Variants in ASH2L observed in about 807,000 individuals in gnomAD.
ASH2L encodes the protein ASH2 like, histone lysine methyltransferase complex subunit.
ASH2L carries 30 observed loss-of-function variants against 81.1 expected under a neutral mutation model. The observed-to-expected ratio is 0.37, with a 90% CI of 0.28 to 0.50. The LOEUF (loss-of-function observed/expected upper bound fraction) is 0.50. Among genes scored for constraint, ASH2L ranks in the 20% least tolerant of loss-of-function variants. The pLI is 0.95. For synonymous variants in ASH2L, 273 were observed against 279.9 expected, an observed-to-expected ratio of 0.98 and a Z score of 0.24; for missense variants, 559 against 792.1, an observed-to-expected ratio of 0.71 and a Z score of 3.53.
intron 7 of ASH2L, 89 bp from the exon 8 acceptor site, chr8:38,116,561 C>G: frequency 9.8e-7 from 1 of 1,023,216 alleles, no homozygotes; most frequent in Non-Finnish European, 1.5e-6. Context: ...AATTTTAGTT[C>G]CCATTCTGTT....
chr8:38,106,356 G>C (rs1467337448), intron 1 of ASH2L, 22 bp from the exon 2 acceptor site: 1 of 1,611,290 alleles, frequency 6.2e-7, no homozygotes, highest in Non-Finnish European at 8.5e-7. Flanking sequence ...ATTCTTACTT[G>C]AGCGCTTTCA....
chr8:38,116,499 C>G, intron 7 of ASH2L, 151 bp from the exon 8 acceptor site: 1 of 659,630 alleles, frequency 1.5e-6, no homozygotes, highest in Non-Finnish European at 2.6e-6. Context: ...CGCCACTGTA[C>G]TACAGACTGG....
chr8:38,106,236 G>A (rs1386611759), intron 1 of ASH2L, 142 bp from the exon 2 acceptor site: 6 of 1,368,404 alleles, frequency 4.4e-6, no homozygotes, highest in Non-Finnish European at 5.1e-6. Context: ...ACAGTACCTT[G>A]GGCATCCAGT....
intron 13 of ASH2L, among the ~76,000 whole-genome samples, chr8:38,134,081 G>A (rs546270375): frequency 1.9e-4 from 29 of 152,244 alleles, no homozygotes; most frequent in Non-Finnish European, 3.4e-4. Flanking sequence ...ATGGATTAAG[G>A]GTGGTGCAAG....
rs554664864 is a variant in ASH2L, at chr8:38,117,307, G to A, written c.853+582G>A. The A allele has an allele frequency of 3.0e-5, 9 of 297,670 alleles. No homozygotes were observed. In the East Asian group the frequency reaches 1.2e-3, roughly 40 times the overall value. The allele number at this position is 297,670 out of a possible 1,614,324, so 18.4% of individuals were successfully genotyped here. ...CATTAACCTGTCTTTTGGAGTGGTC[G>A]CGTCTTAAATATCTGATCATTTCTA... On this transcript the variant is annotated intron_variant, in intron 8 of 15. Coordinates refer to ENST00000343823, the MANE Select transcript of ASH2L (RefSeq NM_004674.5).
chr8:38,110,684 G>T, intron 4 of ASH2L, 55 bp from the exon 5 acceptor site: 2 of 1,403,352 alleles, frequency 1.4e-6, no homozygotes, highest in Non-Finnish European at 2.0e-6. Flanking sequence ...GTATTCCCTT[G>T]GTAGTAGAGA....
intron 3 of ASH2L, 36 bp from the exon 4 acceptor site, chr8:38,110,343 A>C: frequency 6.7e-7 from 1 of 1,489,222 alleles, no homozygotes; most frequent in Non-Finnish European, 9.4e-7. Context: ...GTGTGTTCAC[A>C]AGTTCACTAA....
At chr8:38,136,997 G>A (rs1335421087) in intron 14 of ASH2L, among the ~76,000 whole-genome samples, 4 of 151,814 alleles carry the variant, frequency 2.6e-5, no homozygotes, top group Admixed American at 6.6e-5. Context: ...GGAGGCTGAC[G>A]CAGGAGAATC....
intron 12 of ASH2L, among the ~76,000 whole-genome samples, chr8:38,130,729 G>C (rs1047827493): frequency 2.0e-5 from 3 of 152,030 alleles, no homozygotes; most frequent in African/African-American, 7.2e-5. Context: ...CTCCCGATTA[G>C]CTGGGATTAC....
chr8:38,129,403 G>A (rs1801970201), intron 12 of ASH2L, among the ~76,000 whole-genome samples: 2 of 152,088 alleles, frequency 1.3e-5, no homozygotes, highest in Non-Finnish European at 2.9e-5. Flanking sequence ...AGCCAAGCTG[G>A]GAGGACTGCT....
rs371501611 is a variant in ASH2L, at chr8:38,135,693, A to G, written c.1646A>G (p.Asn549Ser). ...ATAATATTTTATAAAAATGGTGTCA[A>G]TCAAGGTGTGGCTTACAAAGATATT... ...SEIIFYKNGV[N>S]QGVAYKDIFE... is the part of the protein sequence containing the mutation. Residue 549 changes from asparagine (N) to serine (S), a missense_variant, in exon 14 of 16, where the codon AAT (asparagine) becomes AGT (serine). Asn to Ser is a conservative substitution (Grantham distance 46). Transcript: ENST00000343823. 319 of 1,612,880 alleles carry G rather than the reference A, an allele frequency of 2.0e-4. 1 individual carries two copies. The South Asian group carries it at 3.2e-3, about 16-fold the overall frequency.
intron 8 of ASH2L, 162 bp from the exon 9 acceptor site, chr8:38,119,108 G>C (rs1027531626): frequency 7.9e-6 from 5 of 630,780 alleles, no homozygotes; most frequent in Non-Finnish European, 1.1e-5. Flanking sequence ...ATGCTCAGTA[G>C]ATTCTTTGAA....
chr8:38,105,822 G>A (rs1047964194), intron 1 of ASH2L, 84 bp downstream of exon 1: 9 of 1,456,992 alleles, frequency 6.2e-6, no homozygotes, highest in Non-Finnish European at 8.1e-6. Flanking sequence ...CCTGCCGCCC[G>A]CCCCCTGCGA....
intron 10 of ASH2L, among the ~76,000 whole-genome samples, chr8:38,125,081 G>A (rs904783548): frequency 2.0e-5 from 3 of 152,060 alleles, no homozygotes; most frequent in Non-Finnish European, 2.9e-5. Context: ...TGCTCTTGAG[G>A]TATCTGCCCT....
chr8:38,108,844 C>A (rs1339715245), intron 3 of ASH2L, among the ~76,000 whole-genome samples: 1 of 152,072 alleles, frequency 6.6e-6, no homozygotes, highest in Non-Finnish European at 1.5e-5. Context: ...CTTTAGGAGG[C>A]CGAGACAGGA....
chr8:38,116,473 C>G (rs538451477), intron 7 of ASH2L, among the ~76,000 whole-genome samples, 177 bp from the exon 8 acceptor site: 50 of 152,242 alleles, frequency 3.3e-4, no homozygotes, highest in African/African-American at 1.1e-3. Context: ...GCAGAAGTTG[C>G]AGTAAGCCGA....
At chr8:38,132,523 G>A (rs1174886519) in intron 12 of ASH2L, among the ~76,000 whole-genome samples, 1 of 152,240 alleles carries the variant, frequency 6.6e-6, no homozygotes, top group African/African-American at 2.4e-5. Flanking sequence ...TGTAGGCTTG[G>A]TGCAGTGGCT....
chr8:38,138,500 A>G (rs1174557918), intron 14 of ASH2L: 5 of 286,832 alleles, frequency 1.7e-5, no homozygotes, highest in Non-Finnish European at 2.6e-5. Flanking sequence ...TCTGCTTAGC[A>G]ACAAAAGGAA....
At chr8:38,129,554 G>A (rs1801974888) in intron 12 of ASH2L, among the ~76,000 whole-genome samples, 1 of 152,124 alleles carries the variant, frequency 6.6e-6, no homozygotes, top group Non-Finnish European at 1.5e-5. Flanking sequence ...AGGTTACTGT[G>A]AGCTGTGATC....
Sources: gnomAD v4.1 joint callset for allele counts (sites outside exome capture counted in the v4.1 genomes callset) on GRCh38, gnomAD v4.1.1 for gene constraint, MANE v1.5 for transcripts, NCBI Gene and HGNC (gene_info 2026-07-23, HGNC 2026-07-21) for gene names.